Variants in CPA5 observed in about 807,000 individuals in gnomAD.
The protein encoded by CPA5 is carboxypeptidase A5, also known as testicular tissue protein Li 32.
In CPA5, 38 loss-of-function variants were observed where a neutral mutation model predicts 52.2. That is an observed-to-expected ratio of 0.73 (90% CI 0.56 to 0.95). The LOEUF is 0.95. CPA5 is among the 40% of genes least tolerant of loss of function. The pLI is 0.00. For synonymous variants in CPA5, 198 were observed against 213.7 expected (o/e 0.93, Z 0.64); for missense variants, 519 against 566.7 (o/e 0.92, Z 0.86).
intron 10 of CPA5, among the ~76,000 whole-genome samples, chr7:130,365,448 G>A (rs551453064): frequency 8.4e-4 from 128 of 152,250 alleles, no homozygotes; most frequent in African/African-American, 2.7e-3. Context: ...AGCCCAGAGG[G>A]GGCAAAAAGC....
At chr7:130,373,914 A>G in the CPA5 span, among the ~76,000 whole-genome samples, 1 of 152,200 alleles carries the variant, frequency 6.6e-6, no homozygotes, top group African/African-American at 2.4e-5. Flanking sequence ...ATTTCCAAGG[A>G]CTATCCCAAG....
At chr7:130,349,937 G>A (rs1488427087) in intron 4 of CPA5, 38 bp from the exon 5 acceptor site, 1 of 1,595,196 alleles carries the variant, frequency 6.3e-7, no homozygotes, top group Non-Finnish European at 8.5e-7. Flanking sequence ...GGAAGGACAT[G>A]GAGTAATGCA....
chr7:130,365,510 C>T, intron 10 of CPA5, among the ~76,000 whole-genome samples: 1 of 152,234 alleles, frequency 6.6e-6, no homozygotes, highest in Admixed American at 6.5e-5. Flanking sequence ...TTACCATGTC[C>T]TTCCAGAGAT....
intron 5 of CPA5, among the ~76,000 whole-genome samples, chr7:130,353,255 C>T (rs949944355): frequency 1.3e-5 from 2 of 152,118 alleles, no homozygotes; most frequent in East Asian, 3.9e-4. Context: ...GCAGGCTGCC[C>T]ACCCCCTCAC....
chr7:130,367,608 C>A (rs782772660), intron 11 of CPA5, 37 bp downstream of exon 11: 2 of 1,563,042 alleles, frequency 1.3e-6, no homozygotes, highest in South Asian at 2.2e-5. Flanking sequence ...GAGAAGAGAC[C>A]GCTTCACAGG....
intron 5 of CPA5, among the ~76,000 whole-genome samples, chr7:130,355,259 A>C (rs1795408884): frequency 6.6e-6 from 1 of 152,088 alleles, no homozygotes; most frequent in African/African-American, 2.4e-5. Flanking sequence ...AGTCACCCCA[A>C]AGTTATTATC....
chr7:130,360,312 A>G (rs1795725809), intron 6 of CPA5, among the ~76,000 whole-genome samples: 1 of 152,234 alleles, frequency 6.6e-6, no homozygotes, highest in African/African-American at 2.4e-5. Context: ...GTGCTGGGGT[A>G]TATAATATGA....
chr7:130,368,604 G>A lies in CPA5; in HGVS notation c.*7G>A, dbSNP rs782701300. On this transcript the variant is annotated 3_prime_UTR_variant, in exon 13 of 13. Transcript: ENST00000474905. ...CCTGAATCACCCCTACTAGCAGCAC[G>A]ACTGAGGGCAGGAGGCTCCATCCTT... The A allele has an allele frequency of 3.2e-5, 51 of 1,613,748 alleles. No individual in the cohort carries two copies. The highest frequency in any genetic ancestry group is 3.3e-4 in the Middle Eastern group (2 of 5,998).
intron 5 of CPA5, among the ~76,000 whole-genome samples, chr7:130,353,060 A>C (rs545654917): frequency 6.3e-4 from 96 of 152,194 alleles, no homozygotes; most frequent in Admixed American, 1.2e-3. Context: ...CTGCGTTGCC[A>C]ATTTCCCTCG....
intron 3 of CPA5, 80 bp downstream of exon 3, chr7:130,346,681 G>GC: frequency 9.2e-7 from 1 of 1,088,102 alleles, no homozygotes; most frequent in Non-Finnish European, 1.4e-6. Context: ...TGGCTGCCCT[G>GC]CTGGTGCCTG....
In CPA5 at chr7:130,350,023, A is replaced by G. The variant is rs1189087505; in HGVS notation, c.247A>G (p.Arg83Gly). ...PARPSLPVDM[R>G]VPFSELKDIK... is the part of the protein sequence containing the mutation. ...CAGGCCCAGCCTCCCTGTGGATATG[A>G]GAGTTCCTTTCTCTGAACTGAAAGA... Residue 83 changes from arginine (R) to glycine (G), a missense_variant, in exon 5 of 13, where the codon AGA (arginine) becomes GGA (glycine). Physicochemically the swap from Arg to Gly is moderately radical, Grantham distance 125 (BLOSUM62 -2). Transcript: ENST00000474905. The G allele has an allele frequency of 5.6e-6, 9 of 1,614,006 alleles. No individual in the cohort carries two copies. The highest frequency in any genetic ancestry group is 7.6e-6 in the Non-Finnish European group (9 of 1,179,952).
In CPA5 at chr7:130,368,530, C is replaced by T. The variant is rs781934874; in HGVS notation, c.1244C>T (p.Pro415Leu). 1.9e-6 allele frequency: 3 copies of T among 1,613,978 alleles called. No individual in the cohort carries two copies. In the African/African-American group the frequency reaches 4.0e-5, roughly 22 times the overall value. The change falls in exon 13 of 13, where the codon CCC becomes CTC. Residue 415 changes from proline (P) to leucine (L), a missense_variant. Physicochemically the swap from Pro to Leu is moderately conservative, Grantham distance 98. Transcript: ENST00000474905. ...GFLLPATQII[P>L]TAQETWMALR... ...CTGCTGCCGGCCACACAGATCATCC[C>T]CACGGCCCAGGAGACGTGGATGGCG...
intron 10 of CPA5, 137 bp downstream of exon 10, chr7:130,363,646 G>A (rs17164851): frequency 0.16 from 113,832 of 717,726 alleles, 10,054 homozygotes; most frequent in Middle Eastern, 0.2. Context: ...CATGAGTCAC[G>A]GCCAGGGACA....
At chr7:130,372,094 C>G (rs1796300672), downstream of CPA5, among the ~76,000 whole-genome samples, 1 of 152,226 alleles carries the variant, frequency 6.6e-6, no homozygotes, top group African/African-American at 2.4e-5. Context: ...TAGGACCACC[C>G]ACTGGAAGTA....
At chr7:130,351,145 C>T (rs1795114859) in intron 5 of CPA5, among the ~76,000 whole-genome samples, 1 of 152,202 alleles carries the variant, frequency 6.6e-6, no homozygotes, top group African/African-American at 2.4e-5. Flanking sequence ...ACCTTTATCC[C>T]TCATCAGGCA....
chr7:130,355,844 C>T (rs1039025450), intron 5 of CPA5, among the ~76,000 whole-genome samples: 2 of 152,172 alleles, frequency 1.3e-5, no homozygotes, highest in Admixed American at 1.3e-4. Context: ...CCTGAGCTCC[C>T]GCACCCTCAG....
Position 130,368,426 on chromosome 7 carries a change from C to T in CPA5, c.1140C>T (p.Ile380=). 6.2e-7 allele frequency: 1 copy of T among 1,613,944 alleles called. No homozygotes were observed. The highest frequency in any genetic ancestry group is 8.5e-7 in the Non-Finnish European group (1 of 1,179,968). Reference sequence around the variant, plus strand: ...TGTTTCTAGATGTGGCCAGTGGGATCACCGTCGACTGGGCCTATGACAGTG... The same window carrying T: ...TGTTTCTAGATGTGGCCAGTGGGATTACCGTCGACTGGGCCTATGACAGTG... ...ISTTLYVASG[I]TVDWAYDSGI... The change falls in exon 13 of 13, where the codon ATC becomes ATT. Residue 380 remains isoleucine (I), a synonymous_variant. Transcript: ENST00000474905.
chr7:130,364,600 G>A (rs1316508315), intron 10 of CPA5, among the ~76,000 whole-genome samples: 1 of 151,854 alleles, frequency 6.6e-6, no homozygotes. Flanking sequence ...GCCACCCAAA[G>A]TGCTGGGATT....
chr7:130,358,335 T>C (rs1584813481), intron 5 of CPA5, among the ~76,000 whole-genome samples: 1 of 152,110 alleles, frequency 6.6e-6, no homozygotes, highest in African/African-American at 2.4e-5. Flanking sequence ...TTAGTTTTGA[T>C]AGTTGGCCTT....
Sources: gnomAD v4.1 joint callset for allele counts (sites outside exome capture counted in the v4.1 genomes callset) on GRCh38, gnomAD v4.1.1 for gene constraint, MANE v1.5 for transcripts, NCBI Gene and HGNC (gene_info 2026-07-23, HGNC 2026-07-21) for gene names.